ETV1: variants seen among roughly 807,000 people sequenced by gnomAD.
ETV1 encodes the protein ETS variant transcription factor 1.
Under a neutral mutation model 62.3 loss-of-function variants are expected in ETV1, and 27 were observed. That is an observed-to-expected ratio of 0.43 (90% CI 0.32 to 0.60). The LOEUF (loss-of-function observed/expected upper bound fraction) is 0.60, where lower values mean the gene tolerates loss of function less well. Among genes scored for constraint, ETV1 ranks in the 20% least tolerant of loss-of-function variants. The pLI is 0.06. For synonymous variants in ETV1, 222 were observed against 199.6 expected, an observed-to-expected ratio of 1.11 and a Z score of -0.94; for missense variants, 605 against 605.8, an observed-to-expected ratio of 1.00 and a Z score of 0.01.
Position 13,911,195 on chromosome 7 carries a change from T to C in ETV1, c.871+44A>G, listed in dbSNP as rs759053379. The C allele has an allele frequency of 2.1e-5, 29 of 1,350,926 alleles. 1 individual carries two copies. In the East Asian group the frequency reaches 6.6e-4, roughly 31 times the overall value. The allele number at this position is 1,350,926 out of a possible 1,614,324, so 83.7% of individuals were successfully genotyped here. On this transcript the variant is annotated intron_variant, in intron 10 of 13. Transcript: ENST00000430479. ...ACGTCATATTTGGGATGTCTGATTA[T>C]TCTGAACGGTATTTACACGGAATTT...
At chr7:13,938,560 G>C (rs1024150402) in intron 7 of ETV1, among the ~76,000 whole-genome samples, 3 of 152,196 alleles carry the variant, frequency 2.0e-5, no homozygotes, top group African/African-American at 7.2e-5. Context: ...GAACATATAT[G>C]TGATCAAATT....
At chr7:13,920,492 G>C (rs963462510) in intron 9 of ETV1, among the ~76,000 whole-genome samples, 1 of 151,382 alleles carries the variant, frequency 6.6e-6, no homozygotes, top group Non-Finnish European at 1.5e-5. Context: ...TCCATTTTAT[G>C]AATGAAACTC....
At chr7:13,964,085 C>T (rs1219167723) in intron 6 of ETV1, among the ~76,000 whole-genome samples, 1 of 152,142 alleles carries the variant, frequency 6.6e-6, no homozygotes, top group Non-Finnish European at 1.5e-5. Context: ...TGAGTTGAGA[C>T]AACTGCATCA....
intron 6 of ETV1, among the ~76,000 whole-genome samples, chr7:13,968,437 T>G (rs1050780073): frequency 1.3e-5 from 2 of 151,562 alleles, no homozygotes; most frequent in African/African-American, 4.8e-5. Context: ...AAACCAAAAA[T>G]AGTGAAAAGT....
intron 5 of ETV1, among the ~76,000 whole-genome samples, chr7:13,980,994 A>G (rs1202010162): frequency 6.6e-6 from 1 of 152,136 alleles, no homozygotes; most frequent in Non-Finnish European, 1.5e-5. Flanking sequence ...TGAAATAATA[A>G]TCATTACTTA....
At chr7:13,928,926 C>A (rs903550863) in intron 9 of ETV1, among the ~76,000 whole-genome samples, 1 of 152,148 alleles carries the variant, frequency 6.6e-6, no homozygotes, top group African/African-American at 2.4e-5. Context: ...CCACTGCACT[C>A]AAGCCTGGGC....
At chr7:13,988,871 G>A in intron 3 of ETV1, 137 bp downstream of exon 3, 1 of 1,574,980 alleles carries the variant, frequency 6.3e-7, no homozygotes, top group Non-Finnish European at 8.7e-7. Context: ...TAGAAGCAGA[G>A]TCGCCCTACA....
At position 13,951,619 on chromosome 7, in the gene ETV1, GA is replaced by G. The variant is rs372133710; in HGVS notation, c.236-12374del. ...GGTCACATAAAAGCTGACTGGTTAC[GA>G]ACATGGAGACTAAATCTTGGCTTTG... On this transcript the variant is annotated intron_variant, in intron 6 of 13. Coordinates refer to ENST00000430479, the MANE Select transcript of ETV1 (RefSeq NM_004956.5). Among the ~76,000 whole-genome samples the G allele has an allele frequency of 2.6e-3, 393 of 152,294 alleles. 1 individual carries two copies. The highest frequency in any genetic ancestry group is 4.6e-3 in the Non-Finnish European group (312 of 68,034).
intron 3 of ETV1, 55 bp downstream of exon 3, chr7:13,988,953 C>T (rs1759419884): frequency 1.3e-6 from 2 of 1,524,448 alleles, no homozygotes; most frequent in Non-Finnish European, 1.8e-6. Context: ...TCTCCCTCTC[C>T]CCACCCCCGA....
chr7:13,923,336 T>C (rs903389338), intron 9 of ETV1, among the ~76,000 whole-genome samples: 4 of 152,228 alleles, frequency 2.6e-5, no homozygotes, highest in African/African-American at 9.6e-5. Flanking sequence ...CTTTTCCTAC[T>C]ATTTGATTAG....
intron 6 of ETV1, among the ~76,000 whole-genome samples, chr7:13,973,737 G>A (rs909567370): frequency 3.3e-5 from 5 of 151,724 alleles, no homozygotes; most frequent in African/African-American, 1.2e-4. Context: ...ATGTCCCAAA[G>A]CCATATTTGT....
intron 6 of ETV1, among the ~76,000 whole-genome samples, chr7:13,941,811 C>A (rs180742899): frequency 6.6e-6 from 1 of 150,528 alleles, no homozygotes; most frequent in African/African-American, 2.4e-5. Flanking sequence ...CAGAGTTTGC[C>A]GAGATCGCGG....
chr7:13,979,616 C>T (rs1173840591), intron 5 of ETV1, among the ~76,000 whole-genome samples: 1 of 152,066 alleles, frequency 6.6e-6, no homozygotes, highest in African/African-American at 2.4e-5. Flanking sequence ...CCCATTATAT[C>T]ATTGTTTTGG....
At chr7:13,969,550 G>A (rs1347066081) in intron 6 of ETV1, among the ~76,000 whole-genome samples, 1 of 152,010 alleles carries the variant, frequency 6.6e-6, no homozygotes, top group Non-Finnish European at 1.5e-5. Context: ...TGCACTCCAC[G>A]AAAGGCCTGC....
chr7:13,956,850 ATT>A (rs932310249), intron 6 of ETV1, among the ~76,000 whole-genome samples: 1 of 152,330 alleles, frequency 6.6e-6, no homozygotes, highest in East Asian at 1.9e-4. Context: ...CATAAATTTC[ATT>A]TAAGTAAATA....
chr7:13,974,961 C>G (rs1034592447), intron 6 of ETV1: 6 of 152,478 alleles, frequency 3.9e-5, no homozygotes, highest in Non-Finnish European at 7.3e-5. Context: ...TAGCAGGGAT[C>G]AGGTGAGGAT....
At chr7:13,970,547 A>T (rs1440724813) in intron 6 of ETV1, among the ~76,000 whole-genome samples, 1 of 152,156 alleles carries the variant, frequency 6.6e-6, no homozygotes, top group African/African-American at 2.4e-5. Context: ...ATGTTCTTAA[A>T]TCCAAAAAAA....
Position 13,896,018 on chromosome 7 carries a change from C to G in ETV1, c.1282G>C (p.Asp428His). The G allele has an allele frequency of 6.2e-7, 1 of 1,613,780 alleles. No individual in the cohort carries two copies. The highest frequency in any genetic ancestry group is 8.5e-7 in the Non-Finnish European group (1 of 1,179,844). ...GTCTTCAGCAGTGGACGCTGATTATCTGGAAAGGCCATGGAGAAAAGGGCT... is the reference window on the plus strand; with the variant it reads ...GTCTTCAGCAGTGGACGCTGATTATGTGGAAAGGCCATGGAGAAAAGGGCT... ...PEALFSMAFP[D>H]NQRPLLKTDM... Residue 428 changes from aspartate to histidine, a missense_variant, in exon 14 of 14, where the codon GAT (aspartate) becomes CAT (histidine). Around this residue, in one of 3 missense-constraint regions of ETV1, gnomAD observed 79 missense variants for 71.6 expected, o/e 1.10. Coordinates refer to ENST00000430479, the MANE Select transcript of ETV1 (RefSeq NM_004956.5).
chr7:13,946,497 T>C (rs1788177646), intron 6 of ETV1, among the ~76,000 whole-genome samples: 1 of 152,234 alleles, frequency 6.6e-6, no homozygotes, highest in South Asian at 2.1e-4. Context: ...GGGGTTATGG[T>C]ATTCCTCATG....
Sources: allele counts gnomAD v4.1 joint callset (sites outside exome capture counted in the v4.1 genomes callset), GRCh38; gene constraint gnomAD v4.1.1; regional missense constraint gnomAD v4.1.1; transcripts MANE v1.5; gene names NCBI Gene and HGNC (gene_info 2026-07-23, HGNC 2026-07-21).